RIPOR1: variants seen among roughly 807,000 people sequenced by gnomAD.
RIPOR1 encodes RHO family interacting cell polarization regulator 1, also known as rho family-interacting cell polarization regulator 1.
Under a neutral mutation model 116.5 loss-of-function variants are expected in RIPOR1, and 58 were observed. The ratio of observed to expected loss-of-function variants is 0.50; its 90% CI spans 0.40 to 0.62. The LOEUF (loss-of-function observed/expected upper bound fraction) is 0.62, where lower values mean the gene tolerates loss of function less well. RIPOR1 is among the 20% of genes least tolerant of loss of function. The pLI, the probability that RIPOR1 is intolerant of heterozygous loss-of-function variation, is 0.00. For missense variants in RIPOR1, 1,372 were observed against 1,586.2 expected (o/e 0.86, Z 2.29); for synonymous variants, 605 against 650.0 (o/e 0.93, Z 1.05).
intron 1 of RIPOR1, among the ~76,000 whole-genome samples, chr16:67,518,855 C>T (rs1014954531): frequency 4.6e-5 from 7 of 152,202 alleles, no homozygotes; most frequent in South Asian, 2.1e-4. Context: ...GGGGGCTGCA[C>T]AGGGCTTTGT....
At position 67,543,989 on chromosome 16, in the gene RIPOR1, C is replaced by T. The variant is rs1349748786; in HGVS notation, c.2601-310C>T. On this transcript the variant is annotated intron_variant, in intron 14 of 21. Transcript: ENST00000042381. The surrounding 1 kb of genome is among the most constrained non-coding windows in gnomAD (Gnocchi z 4.7). Reference sequence around the variant, plus strand: ...CCTCTGCTGCTGCCCAGGCTACAGCCCCATGCCCTGCACCCTTTGCAGTCC... The same window carrying T: ...CCTCTGCTGCTGCCCAGGCTACAGCTCCATGCCCTGCACCCTTTGCAGTCC... Among the ~76,000 whole-genome samples the T allele has an allele frequency of 3.3e-5, 5 of 152,104 alleles. No homozygotes were observed. Among genetic ancestry groups the T allele is most frequent in the Admixed American group, 3.3e-4 (5 of 15,270 alleles).
chr16:67,524,092 G>A (rs1054580354), upstream of RIPOR1, among the ~76,000 whole-genome samples: 3 of 152,318 alleles, frequency 2.0e-5, 1 homozygote, highest in Admixed American at 2.0e-4. Context: ...CCTGTTGTTT[G>A]TGTTTGCATT....
chr16:67,546,725 C>A lies in RIPOR1; in HGVS notation c.*262C>A. On this transcript the variant is annotated 3_prime_UTR_variant, in exon 22 of 22. Coordinates refer to ENST00000042381, the MANE Select transcript of RIPOR1 (RefSeq NM_024519.4). ...ACCCTGCCGCTGCCCAGCCACATCC[C>A]TTGGTTTTGTATTTTATTTACAGAG... The A allele has an allele frequency of 1.8e-6, 1 of 556,660 alleles. No individual in the cohort carries two copies. Among genetic ancestry groups the A allele is most frequent in the Non-Finnish European group, 3.2e-6 (1 of 311,970 alleles). The allele number at this position is 556,660 out of a possible 1,614,324, so 34.5% of individuals were successfully genotyped here.
rs750771749 is a variant in RIPOR1, at chr16:67,543,273, G to T, written c.2478+9G>T. 1.2e-6 allele frequency: 2 copies of T among 1,602,108 alleles called. No individual in the cohort carries two copies. The highest frequency in any genetic ancestry group is 1.7e-6 in the Non-Finnish European group (2 of 1,174,972). On this transcript the variant is annotated intron_variant, in intron 13 of 21. Coordinates refer to ENST00000042381, the MANE Select transcript of RIPOR1 (RefSeq NM_024519.4). The surrounding 1 kb of genome is among the most constrained non-coding windows in gnomAD (Gnocchi z 4.7). ...TAGAAAGTCTGCTCATGGTGAGGAG[G>T]GCTGGGCTGGGCTAGGGCAACCAGG...
Position 67,541,018 on chromosome 16 carries a change from G to A in RIPOR1, c.801+314G>A, listed in dbSNP as rs1245733934. Among the ~76,000 whole-genome samples, 1 of 151,758 alleles carries A rather than the reference G, an allele frequency of 6.6e-6. No individual in the cohort carries two copies. Among genetic ancestry groups the A allele is most frequent in the African/African-American group, 2.4e-5 (1 of 41,270 alleles). On this transcript the variant is annotated intron_variant, in intron 10 of 21. Coordinates refer to ENST00000042381, the MANE Select transcript of RIPOR1 (RefSeq NM_024519.4). The surrounding 1 kb of genome is among the most constrained non-coding windows in gnomAD (Gnocchi z 4.6). ...CCATGCAGACCTCTGTGATTCCCATGCTCCCAGGCTGCTTCAAGCATCCAT... is the reference window on the plus strand; with the variant it reads ...CCATGCAGACCTCTGTGATTCCCATACTCCCAGGCTGCTTCAAGCATCCAT...
At chr16:67,534,008 C>T (rs1326285357) in intron 1 of RIPOR1, among the ~76,000 whole-genome samples, 2 of 135,140 alleles carry the variant, frequency 1.5e-5, no homozygotes, top group African/African-American at 2.8e-5. Flanking sequence ...TTAGTAGAGA[C>T]GGGGTTTCAC....
intron 1 of RIPOR1, among the ~76,000 whole-genome samples, chr16:67,519,968 AG>A (rs2050480271): frequency 6.7e-6 from 1 of 149,728 alleles, no homozygotes; most frequent in African/African-American, 2.5e-5. Flanking sequence ...AGGCTGAGGC[AG>A]AAGAATTGCT....
At chr16:67,522,350 A>G (rs2050502407) in intron 1 of RIPOR1, among the ~76,000 whole-genome samples, 2 of 151,660 alleles carry the variant, frequency 1.3e-5, no homozygotes, top group African/African-American at 4.8e-5. Flanking sequence ...TTACAGGCAC[A>G]CATCACCATG....
Position 67,538,730 on chromosome 16 carries a change from G to A in RIPOR1, c.163G>A (p.Val55Met), listed in dbSNP as rs767541942. The A allele has an allele frequency of 1.2e-6, 2 of 1,613,450 alleles. No individual in the cohort carries two copies. Among genetic ancestry groups the A allele is most frequent in the Non-Finnish European group, 8.5e-7 (1 of 1,179,956 alleles). The change falls in exon 3 of 22, where the codon GTG (valine) becomes ATG (methionine). Residue 55 changes from valine (V) to methionine (M), a missense_variant. This residue lies in a region of RIPOR1 where 165 missense variants were observed against 145.5 expected (regional missense o/e 1.13). Coordinates refer to ENST00000042381, the MANE Select transcript of RIPOR1 (RefSeq NM_024519.4). ...PPRKPPALSR[V>M]SRMFSVAHPA... ...ACGGAAGCCCCCCGCGCTCTCCCGA[G>A]TGTCCAGGATGTTTTCCGTGGCTCA...
Position 67,543,054 on chromosome 16 carries a change from C to T in RIPOR1, c.2268C>T (p.Pro756=), listed in dbSNP as rs754545152. 7 of 1,527,238 alleles carry T rather than the reference C, an allele frequency of 4.6e-6. No individual in the cohort carries two copies. Among genetic ancestry groups the T allele is most frequent in the Admixed American group, 4.4e-5 (2 of 45,510 alleles). 94.6% of individuals were successfully genotyped at this position (1,527,238 alleles called of 1,614,324 possible). The change falls in exon 13 of 22, where the codon CCC becomes CCT. Residue 756 remains proline, a synonymous_variant. Coordinates refer to ENST00000042381, the MANE Select transcript of RIPOR1 (RefSeq NM_024519.4). This position sits in a 1 kb window ranked among gnomAD's most constrained non-coding sequence, Gnocchi z 4.7. The part of the protein sequence containing the change: ...ESTVQSLSPT[P]SPPTPAPQHS... ...CGGTTCAGAGTCTAAGCCCCACTCC[C>T]TCACCCCCAACCCCTGCACCCCAGC...
rs1442495901 is a variant in RIPOR1 at position 67,530,495 on chromosome 16, C to A, written c.-24+1581C>A. On this transcript the variant is annotated intron_variant, in intron 1 of 21. Transcript: ENST00000042381. This position sits in a 1 kb window ranked among gnomAD's most constrained non-coding sequence, Gnocchi z 4.5. Reference sequence around the variant, plus strand: ...AAGGGACCCCCTTCTCCCTTGCAGCCGCCCCTTGCCCAGGTTATTTTTAGC... The same window carrying A: ...AAGGGACCCCCTTCTCCCTTGCAGCAGCCCCTTGCCCAGGTTATTTTTAGC... Among the ~76,000 whole-genome samples the A allele has an allele frequency of 1.3e-5, 2 of 152,194 alleles. No homozygotes were observed. The highest frequency in any genetic ancestry group is 2.9e-5 in the Non-Finnish European group (2 of 68,018).
chr16:67,536,589 C>T (rs2050800818), intron 1 of RIPOR1, among the ~76,000 whole-genome samples: 1 of 152,024 alleles, frequency 6.6e-6, no homozygotes, highest in African/African-American at 2.4e-5. Context: ...GATCCTTTCC[C>T]CTGGGTCCTG....
At position 67,543,303 on chromosome 16, in the gene RIPOR1, G is replaced by A; in HGVS notation, c.2478+39G>A. ...GGCTGGGCTAGGGCAACCAGGGAGGGCAGCCAGGGGGCGGCAGCCGCTCTG... is the reference window on the plus strand; with the variant it reads ...GGCTGGGCTAGGGCAACCAGGGAGGACAGCCAGGGGGCGGCAGCCGCTCTG... On this transcript the variant is annotated intron_variant, in intron 13 of 21. Transcript: ENST00000042381. The surrounding 1 kb of genome is among the most constrained non-coding windows in gnomAD (Gnocchi z 4.7). 1 of 1,606,226 alleles carries A rather than the reference G, an allele frequency of 6.2e-7. No homozygotes were observed.
chr16:67,535,408 G>A (rs1245631574), intron 1 of RIPOR1, among the ~76,000 whole-genome samples: 1 of 152,236 alleles, frequency 6.6e-6, no homozygotes, highest in African/African-American at 2.4e-5. Flanking sequence ...CCAGCTGGGA[G>A]AGAGGTGCGC....
intron 1 of RIPOR1, among the ~76,000 whole-genome samples, chr16:67,532,048 C>T (rs1305670658): frequency 1.3e-5 from 2 of 151,670 alleles, no homozygotes; most frequent in South Asian, 2.1e-4. Flanking sequence ...CCAGCCACCA[C>T]GCCCAGCTAA....
At position 67,529,631 on chromosome 16, in the gene RIPOR1, C is replaced by A; in HGVS notation, c.-24+717C>A. On this transcript the variant is annotated intron_variant, in intron 1 of 21. Coordinates refer to ENST00000042381, the MANE Select transcript of RIPOR1 (RefSeq NM_024519.4). The surrounding 1 kb of genome is among the most constrained non-coding windows in gnomAD (Gnocchi z 4.1). ...CAGATTCAGCACCCTTTGTCCTCCTCTCCAGGGTGAGCCCTGAGTCCGGCC... is the reference window on the plus strand; with the variant it reads ...CAGATTCAGCACCCTTTGTCCTCCTATCCAGGGTGAGCCCTGAGTCCGGCC... The A allele has an allele frequency of 1.2e-6, 1 of 808,154 alleles. No homozygotes were observed. Among genetic ancestry groups the A allele is most frequent in the Non-Finnish European group, 1.9e-6 (1 of 517,882 alleles). 50.1% of individuals were successfully genotyped at this position (808,154 alleles called of 1,614,324 possible).
intron 1 of RIPOR1, among the ~76,000 whole-genome samples, chr16:67,521,661 G>A (rs995952392): frequency 6.6e-6 from 1 of 152,136 alleles, no homozygotes; most frequent in African/African-American, 2.4e-5. Flanking sequence ...GCACCGCCCA[G>A]CTCACAGCTC....
At position 67,544,827 on chromosome 16, in the gene RIPOR1, G is replaced by A; in HGVS notation, c.2866G>A (p.Glu956Lys). 1 of 1,593,386 alleles carries A rather than the reference G, an allele frequency of 6.3e-7. No homozygotes were observed. Among genetic ancestry groups the A allele is most frequent in the Non-Finnish European group, 8.6e-7 (1 of 1,165,874 alleles). Residue 956 changes from glutamate (E) to lysine (K), a missense_variant, in exon 16 of 22, where the codon GAA becomes AAA. Coordinates refer to ENST00000042381, the MANE Select transcript of RIPOR1 (RefSeq NM_024519.4). This position sits in a 1 kb window ranked among gnomAD's most constrained non-coding sequence, Gnocchi z 5.1. ...GGAGATCCCGGCCAGCTCTGCCCAG[G>A]AAGGTAAAGGCCCTGGGGGTTCGGG... ...RWEIPASSAQ[E>K]VVQFSASRPG...
rs770455471 is a variant in RIPOR1, at chr16:67,540,621, C to T, written c.718C>T (p.Arg240Ter). 5.6e-6 allele frequency: 9 copies of T among 1,613,868 alleles called. No homozygotes were observed. In the Admixed American group the frequency reaches 1.2e-4, roughly 21 times the overall value. Residue 240 changes from arginine to a stop codon, truncating the protein, a stop_gained, in exon 10 of 22, where the codon CGA (arginine) becomes TGA (stop). Coordinates refer to ENST00000042381, the MANE Select transcript of RIPOR1 (RefSeq NM_024519.4). LOFTEE classifies it high-confidence loss of function. The surrounding 1 kb of genome is among the most constrained non-coding windows in gnomAD (Gnocchi z 4.7). Reference protein sequence around the residue: ...YGRQRWKLRGRIEGSGKQVWD... With the variant: ...YGRQRWKLRG Reference sequence around the variant, plus strand: ...GCGTCAGCGCTGGAAACTACGGGGCCGAATTGAGGGTAGTGGAAAGCAGGT... The same window carrying T: ...GCGTCAGCGCTGGAAACTACGGGGCTGAATTGAGGGTAGTGGAAAGCAGGT...
Sources: allele counts gnomAD v4.1 joint callset (sites outside exome capture counted in the v4.1 genomes callset), GRCh38; gene constraint gnomAD v4.1.1; regional missense constraint gnomAD v4.1.1; non-coding constraint Gnocchi (gnomAD v3.1); transcripts MANE v1.5; gene names NCBI Gene and HGNC (gene_info 2026-07-23, HGNC 2026-07-21).